ALPK2: variants seen among roughly 807,000 people sequenced by gnomAD.
ALPK2 encodes alpha-protein kinase 2.
ALPK2 carries 127 observed loss-of-function variants against 163.1 expected under a neutral mutation model. The ratio of observed to expected loss-of-function variants is 0.78; its 90% CI spans 0.67 to 0.90. ALPK2 has a LOEUF of 0.90. Ranked by LOEUF, ALPK2 falls within the 40% of genes least tolerant of loss-of-function variation. The pLI, the probability that ALPK2 is intolerant of heterozygous loss-of-function variation, is 0.00. For synonymous variants in ALPK2, 953 were observed against 959.1 expected (o/e 0.99, Z 0.12); for missense variants, 2,360 against 2,589.6 (o/e 0.91, Z 1.92).
intron 4 of ALPK2, among the ~76,000 whole-genome samples, chr18:58,553,125 G>A (rs1465066344): frequency 1.3e-5 from 2 of 152,208 alleles, no homozygotes; most frequent in East Asian, 1.9e-4. Context: ...TAGGCCAGAA[G>A]TATGGGATGG....
chr18:58,555,649 A>G (rs2051786644), intron 4 of ALPK2, among the ~76,000 whole-genome samples: 1 of 152,220 alleles, frequency 6.6e-6, no homozygotes, highest in Admixed American at 6.5e-5. Flanking sequence ...GTTGCAGGCC[A>G]GCTTTGCCTT....
intron 4 of ALPK2, among the ~76,000 whole-genome samples, chr18:58,571,400 C>T (rs759824125): frequency 1.4e-5 from 2 of 142,236 alleles, no homozygotes; most frequent in African/African-American, 2.6e-5. Context: ...ATCAATAAGT[C>T]GTGCTAGAAA....
intron 3 of ALPK2, among the ~76,000 whole-genome samples, chr18:58,593,781 G>A (rs1415422023): frequency 2.0e-5 from 3 of 151,980 alleles, no homozygotes; most frequent in African/African-American, 7.2e-5. Flanking sequence ...GGGAGGCTGA[G>A]GCATGAGAAT....
In ALPK2 at chr18:58,503,241, T is replaced by C. The variant is rs538704584; in HGVS notation, c.6247+690A>G. ...AATCTAAAGCATTCTAAAGACTCTT[T>C]TGCCTATAGAGAATGAAGTACTACA... is the stretch of plus-strand genomic sequence containing the variant. On this transcript the variant is annotated intron_variant, in intron 11 of 12. Coordinates refer to ENST00000361673, the MANE Select transcript of ALPK2 (RefSeq NM_052947.4). Among the ~76,000 whole-genome samples the C allele has an allele frequency of 5.2e-5, 8 of 152,398 alleles. 1 individual carries two copies. In the South Asian group the frequency reaches 1.7e-3, roughly 32 times the overall value.
Position 58,489,871 on chromosome 18 carries a change from T to G in ALPK2, c.6297-7832A>C, listed in dbSNP as rs181164031. ...CAGCACTTTGGGAGGCCGAGGCTGGTGGATCATGAGGTCAGGATATTGAGA... is the reference window on the plus strand; with the variant it reads ...CAGCACTTTGGGAGGCCGAGGCTGGGGGATCATGAGGTCAGGATATTGAGA... On this transcript the variant is annotated intron_variant, in intron 12 of 12. Transcript: ENST00000361673. Among the ~76,000 whole-genome samples the G allele has an allele frequency of 8.8e-3, 1,338 of 151,844 alleles. 18 individuals are homozygous for G. Among genetic ancestry groups the G allele is most frequent in the African/African-American group, 0.03 (1,259 of 41,388 alleles).
At chr18:58,501,323 T>C (rs1199939615) in intron 11 of ALPK2, among the ~76,000 whole-genome samples, 2 of 152,178 alleles carry the variant, frequency 1.3e-5, no homozygotes, top group African/African-American at 4.8e-5. Context: ...GGAGAAAAGA[T>C]GGGGGACAGC....
chr18:58,546,593 A>T (rs2051718821), intron 4 of ALPK2, among the ~76,000 whole-genome samples: 1 of 152,254 alleles, frequency 6.6e-6, no homozygotes, highest in South Asian at 2.1e-4. Context: ...AATGCAGTTA[A>T]TGTTGGTAAA....
Position 58,578,854 on chromosome 18 carries a change from A to G in ALPK2, c.1922T>C (p.Phe641Ser), listed in dbSNP as rs757359634. The change falls in exon 4 of 13, where the codon TTT (phenylalanine) becomes TCT (serine). Residue 641 changes from phenylalanine (F) to serine (S), a missense_variant. Coordinates refer to ENST00000361673, the MANE Select transcript of ALPK2 (RefSeq NM_052947.4). ...CCAGTCTGGAACCTGGCTTGTTTCA[A>G]ATAGAGTATTAACTTGCATGCCTTC... ...KGEGMQVNTLFETSQVPDWSD... is the reference protein window; with the variant it reads ...KGEGMQVNTLSETSQVPDWSD... The G allele has an allele frequency of 1.9e-6, 3 of 1,613,820 alleles. No individual in the cohort carries two copies. The highest frequency in any genetic ancestry group is 1.7e-6 in the Non-Finnish European group (2 of 1,179,982).
chr18:58,592,817 C>A (rs1048523098), intron 3 of ALPK2, among the ~76,000 whole-genome samples: 1 of 152,246 alleles, frequency 6.6e-6, no homozygotes, highest in Non-Finnish European at 1.5e-5. Context: ...ATCTGCTCCG[C>A]AGCGTTGGAG....
In ALPK2 at chr18:58,582,758, G is replaced by A. The variant is rs994071963; in HGVS notation, c.228-2210C>T. On this transcript the variant is annotated intron_variant, in intron 3 of 12. Transcript: ENST00000361673. ...ATAAATCAATACGTATAAGGTGTAC[G>A]TTGATTCAGCCCAGAAAGATGGGAC... is the stretch of plus-strand genomic sequence containing the variant. Among the ~76,000 whole-genome samples the A allele has an allele frequency of 4.6e-5, 7 of 152,156 alleles. No homozygotes were observed. The South Asian group carries it at 6.2e-4, about 14-fold the overall frequency.
intron 4 of ALPK2, chr18:58,543,416 C>G: frequency 1.0e-6 from 1 of 985,364 alleles, no homozygotes; most frequent in Non-Finnish European, 1.2e-6. Context: ...TGGAGGCAGT[C>G]TGTGCGTTGA....
chr18:58,620,503 G>A lies in ALPK2; in HGVS notation c.-21+8261C>T, dbSNP rs896928059. The stretch of plus-strand genomic sequence containing the variant: ...AGAAAGTAGATCAGTGGTGGTTGGA[G>A]GTGAGGGCAGTGGGGAGAATGCTAA... On this transcript the variant is annotated intron_variant, in intron 1 of 12. Coordinates refer to ENST00000361673, the MANE Select transcript of ALPK2 (RefSeq NM_052947.4). Among the ~76,000 whole-genome samples the A allele has an allele frequency of 6.6e-5, 10 of 152,304 alleles. 1 individual carries two copies. The highest frequency in any genetic ancestry group is 3.4e-3 in the Middle Eastern group (1 of 294).
At chr18:58,608,357 A>G (rs537541028) in intron 2 of ALPK2, among the ~76,000 whole-genome samples, 1 of 152,212 alleles carries the variant, frequency 6.6e-6, no homozygotes, top group Non-Finnish European at 1.5e-5. Context: ...CTGGTGTTCA[A>G]TAATGGGACG....
intron 4 of ALPK2, among the ~76,000 whole-genome samples, chr18:58,573,216 A>G (rs78284776): frequency 0.019 from 669 of 34,548 alleles, 6 homozygotes; most frequent in African/African-American, 0.068. Context: ...GTATATATGT[A>G]TATATATGTG....
Position 58,536,227 on chromosome 18 carries a change from G to A in ALPK2, c.3960C>T (p.Thr1320=), listed in dbSNP as rs1210920635. ...AAAGACTTCTCCAATGTACACTGAT[G>A]GTGGGCTCTTCGCCTTTATGGCTTT... is the stretch of plus-strand genomic sequence containing the variant. The part of the protein sequence containing the change: ...SRESHKGEEP[T]ISVHWRSLSS... The change falls in exon 5 of 13, where the codon ACC becomes ACT. Residue 1320 remains threonine, a synonymous_variant. Transcript: ENST00000361673. 1.2e-6 allele frequency: 2 copies of A among 1,614,206 alleles called. No individual in the cohort carries two copies. The highest frequency in any genetic ancestry group is 1.7e-4 in the Middle Eastern group (1 of 6,060).
intron 4 of ALPK2, among the ~76,000 whole-genome samples, chr18:58,573,266 A>ATATATGTG (rs1197357765): frequency 0.029 from 935 of 32,222 alleles, 40 homozygotes; most frequent in Middle Eastern, 0.036. Context: ...ATATATGTGT[A>ATATATGTG]TATATATGTA....
At chr18:58,606,987 C>T (rs1256943845) in intron 3 of ALPK2, among the ~76,000 whole-genome samples, 6 of 152,222 alleles carry the variant, frequency 3.9e-5, no homozygotes, top group Non-Finnish European at 7.3e-5. Context: ...GACAACAATG[C>T]TGAGATCCTA....
At chr18:58,523,688 C>T (rs980191060) in intron 8 of ALPK2, 118 bp downstream of exon 8, 1 of 1,286,688 alleles carries the variant, frequency 7.8e-7, no homozygotes, top group Non-Finnish European at 1.1e-6. Flanking sequence ...CACGCCATAG[C>T]TCTCCTTCTC....
chr18:58,597,701 G>A (rs988940535), intron 3 of ALPK2, among the ~76,000 whole-genome samples: 8 of 152,298 alleles, frequency 5.3e-5, no homozygotes, highest in African/African-American at 1.9e-4. Context: ...TATATAGCCA[G>A]AACACTTCCA....
Sources: allele counts gnomAD v4.1 joint callset (sites outside exome capture counted in the v4.1 genomes callset), GRCh38; gene constraint gnomAD v4.1.1; transcripts MANE v1.5; gene names NCBI Gene and HGNC (gene_info 2026-07-23, HGNC 2026-07-21).